The following SPAG1 variants were observed in gnomAD, a reference collection of about 807,000 sequenced individuals.
The protein encoded by SPAG1 is sperm-associated antigen 1.
In SPAG1, 69 loss-of-function variants were observed where a neutral mutation model predicts 100.5. The ratio of observed to expected loss-of-function variants is 0.69; its 90% confidence interval spans 0.57 to 0.84. The LOEUF (loss-of-function observed/expected upper bound fraction) is 0.84. Among genes scored for constraint, SPAG1 ranks in the 40% least tolerant of loss-of-function variants. The pLI, the probability that SPAG1 is intolerant of heterozygous loss-of-function variation, is 0.00. For synonymous variants in SPAG1, 336 were observed against 411.6 expected, an observed-to-expected ratio of 0.82 and a Z score of 2.22; for missense variants, 955 against 1,133.1, an observed-to-expected ratio of 0.84 and a Z score of 2.26.
At chr8:100,224,077 T>TA (rs1395234815) in intron 13 of SPAG1, among the ~76,000 whole-genome samples, 4 of 152,206 alleles carry the variant, frequency 2.6e-5, no homozygotes, top group Non-Finnish European at 5.9e-5. Context: ...TCAAAAGACG[T>TA]AATTTTTAAT....
intron 12 of SPAG1, among the ~76,000 whole-genome samples, chr8:100,216,624 T>C (rs556886967): frequency 2.7e-4 from 41 of 152,312 alleles, no homozygotes; most frequent in Middle Eastern, 6.8e-3. Flanking sequence ...CTGGCCTTGC[T>C]GGTTGGTGCT....
chr8:100,187,289 G>A, intron 8 of SPAG1, 39 bp downstream of exon 8: 3 of 1,524,876 alleles, frequency 2.0e-6, no homozygotes, highest in Middle Eastern at 1.9e-4. Context: ...TTTACAGCAG[G>A]ATCCATTAAT....
At chr8:100,192,129 T>C (rs1418121195) in intron 9 of SPAG1, among the ~76,000 whole-genome samples, 1 of 152,166 alleles carries the variant, frequency 6.6e-6, no homozygotes, top group Non-Finnish European at 1.5e-5. Context: ...CAGATGGATG[T>C]TGCACACTCA....
At chr8:100,189,244 G>A (rs1411601131) in intron 8 of SPAG1, among the ~76,000 whole-genome samples, 2 of 151,856 alleles carry the variant, frequency 1.3e-5, no homozygotes, top group Non-Finnish European at 2.9e-5. Flanking sequence ...GGGAGGCTGA[G>A]GTGGGTGGAT....
At chr8:100,199,442 C>CT (rs1285534169) in intron 10 of SPAG1, among the ~76,000 whole-genome samples, 1 of 151,794 alleles carries the variant, frequency 6.6e-6, no homozygotes, top group Non-Finnish European at 1.5e-5. Flanking sequence ...AGTTCTTTGC[C>CT]TTTTTTTTGT....
intron 1 of SPAG1, among the ~76,000 whole-genome samples, chr8:100,161,959 C>T (rs558853273): frequency 4.6e-5 from 7 of 152,148 alleles, no homozygotes; most frequent in African/African-American, 1.7e-4. Flanking sequence ...AAGTAAATAA[C>T]GTCTTCCTCC....
In SPAG1 at chr8:100,231,282, C is replaced by T. The variant is rs1818757154; in HGVS notation, c.1982C>T (p.Thr661Ile). 5 of 1,543,790 alleles carry T rather than the reference C, an allele frequency of 3.2e-6. No homozygotes were observed. The highest frequency in any genetic ancestry group is 2.7e-5 in the African/African-American group (2 of 72,806). ...AACAATAAGGAATGTGCCATATATA[C>T]AAACAGGCAAGTTCTTTGTAACTTT... ...KINNKECAIY[T>I]NRALCYLKLC... The change falls in exon 15 of 19, where the codon ACA (threonine) becomes ATA (isoleucine). Residue 661 changes from threonine to isoleucine, a missense_variant. Physicochemically the swap from Thr to Ile is moderately conservative, Grantham distance 89 (BLOSUM62 -1). Transcript: ENST00000388798.
chr8:100,187,141 T>TC lies in SPAG1; in HGVS notation c.723_724insC (p.Val242ArgfsTer5), dbSNP rs761615978. 1.2e-6 allele frequency: 2 copies of TC among 1,612,272 alleles called. No individual in the cohort carries two copies. Among genetic ancestry groups the TC allele is most frequent in the Non-Finnish European group, 1.7e-6 (2 of 1,178,974 alleles). Reference sequence around the variant, plus strand: ...CTAGGAGCATATCAGCGCTTCCCACTGTAGTTGCCTATAACAATCGAGCTC... The same window carrying TC: ...CTAGGAGCATATCAGCGCTTCCCACTCGTAGTTGCCTATAACAATCGAGCTC... On this transcript the variant is annotated frameshift_variant, in exon 8 of 19. Transcript: ENST00000388798. LOFTEE classifies it high-confidence loss of function.
At chr8:100,186,605 G>T (rs934757593) in intron 7 of SPAG1, among the ~76,000 whole-genome samples, 2 of 152,058 alleles carry the variant, frequency 1.3e-5, no homozygotes, top group Non-Finnish European at 2.9e-5. Flanking sequence ...TAGTATGCTT[G>T]TAGAATTGTA....
chr8:100,172,051 C>T (rs1264119825), intron 3 of SPAG1, among the ~76,000 whole-genome samples: 1 of 152,002 alleles, frequency 6.6e-6, no homozygotes, highest in Non-Finnish European at 1.5e-5. Flanking sequence ...CGTGCCACCG[C>T]GCCCAGCTAA....
intron 2 of SPAG1, among the ~76,000 whole-genome samples, 176 bp from the exon 3 acceptor site, chr8:100,165,638 A>G (rs893709036): frequency 1.3e-5 from 2 of 152,092 alleles, no homozygotes; most frequent in African/African-American, 4.8e-5. Context: ...TCTTTTAATC[A>G]TTCCATAGAT....
chr8:100,195,983 C>T (rs1219442245), intron 10 of SPAG1, among the ~76,000 whole-genome samples: 3 of 152,146 alleles, frequency 2.0e-5, no homozygotes, highest in Non-Finnish European at 2.9e-5. Context: ...GAAAGTATGT[C>T]ACCTTTTGAG....
intron 2 of SPAG1, chr8:100,165,257 A>G: frequency 3.8e-6 from 2 of 523,236 alleles, no homozygotes; most frequent in Admixed American, 2.0e-5. Context: ...AATAATTCGC[A>G]GTTCTGAACC....
intron 10 of SPAG1, among the ~76,000 whole-genome samples, chr8:100,211,233 C>T (rs1056879973): frequency 3.3e-5 from 5 of 152,188 alleles, no homozygotes; most frequent in African/African-American, 4.8e-5. Context: ...CATTGTCCCA[C>T]GGGTATCCCA....
At chr8:100,204,844 AT>A (rs1193736959) in intron 10 of SPAG1, among the ~76,000 whole-genome samples, 3 of 152,214 alleles carry the variant, frequency 2.0e-5, no homozygotes, top group Non-Finnish European at 4.4e-5. Flanking sequence ...CACCTACAAA[AT>A]TTAAATACAA....
At chr8:100,202,481 C>T (rs1311824737) in intron 10 of SPAG1, among the ~76,000 whole-genome samples, 2 of 151,416 alleles carry the variant, frequency 1.3e-5, no homozygotes, top group African/African-American at 4.8e-5. Flanking sequence ...GAGGCCGAGG[C>T]GGGCGGATCA....
intron 12 of SPAG1, among the ~76,000 whole-genome samples, chr8:100,218,803 T>G (rs896074119): frequency 6.6e-6 from 1 of 152,202 alleles, no homozygotes; most frequent in Non-Finnish European, 1.5e-5. Flanking sequence ...CTCCCACAAG[T>G]GCAGCTGAGT....
At chr8:100,201,142 G>GTCT (rs1332158502) in intron 10 of SPAG1, among the ~76,000 whole-genome samples, 1 of 150,322 alleles carries the variant, frequency 6.7e-6, no homozygotes, top group Non-Finnish European at 1.5e-5. Context: ...TTTAGACAAG[G>GTCT]TCTTACTCTG....
rs1049604804 is a variant in SPAG1, at chr8:100,224,402, C to A, written c.1689-771C>A. On this transcript the variant is annotated intron_variant, in intron 13 of 18. Transcript: ENST00000388798. ...ACTAAAAATACTAAAATTAGCTGGGCGTGGTGGCGCGTGCCTGTAATCCCA... is the reference window on the plus strand; with the variant it reads ...ACTAAAAATACTAAAATTAGCTGGGAGTGGTGGCGCGTGCCTGTAATCCCA... Among the ~76,000 whole-genome samples the A allele has an allele frequency of 6.6e-5, 10 of 152,004 alleles. 1 individual carries two copies. Among genetic ancestry groups the A allele is most frequent in the Non-Finnish European group, 1.5e-4 (10 of 67,996 alleles).
Sources: allele counts gnomAD v4.1 joint callset (sites outside exome capture counted in the v4.1 genomes callset), GRCh38; gene constraint gnomAD v4.1.1; transcripts MANE v1.5; gene names NCBI Gene and HGNC (gene_info 2026-07-23, HGNC 2026-07-21).